Variants in EFR3B observed in about 807,000 individuals in gnomAD.
EFR3B encodes the protein protein EFR3 homolog B.
A neutral mutation model predicts 104.7 loss-of-function variants in EFR3B; 64 were observed. The observed-to-expected ratio is 0.61, with a 90% confidence interval of 0.50 to 0.75. EFR3B has a LOEUF of 0.75. Ranked by LOEUF, EFR3B falls within the 30% of genes least tolerant of loss-of-function variation. EFR3B has a pLI of 0.00. For missense variants in EFR3B, 750 were observed against 1,078.5 expected, an observed-to-expected ratio of 0.70 and a Z score of 4.27; for synonymous variants, 385 against 417.9, an observed-to-expected ratio of 0.92 and a Z score of 0.96.
chr2:25,112,802 G>T (rs959617158), intron 4 of EFR3B, among the ~76,000 whole-genome samples: 3 of 152,190 alleles, frequency 2.0e-5, no homozygotes, highest in African/African-American at 4.8e-5. Context: ...TCCTTGAACT[G>T]CGAGAAAGTT....
At chr2:25,075,707 T>A (rs1332621388) in intron 1 of EFR3B, among the ~76,000 whole-genome samples, 5 of 152,238 alleles carry the variant, frequency 3.3e-5, no homozygotes, top group Admixed American at 3.3e-4. Context: ...CAAGTCAACA[T>A]ATTAGATAAG....
Position 25,129,970 on chromosome 2 carries a change from C to A in EFR3B, c.636-5C>A. 1 of 1,551,396 alleles carries A rather than the reference C, an allele frequency of 6.4e-7. No individual in the cohort carries two copies. Among genetic ancestry groups the A allele is most frequent in the Non-Finnish European group, 8.7e-7 (1 of 1,147,000 alleles). ...CCCTCTACCCATGTGCCTCTGTCTC[C>A]CCAGCCGGTCTCCCTCACCCCTCCA... is the stretch of plus-strand genomic sequence containing the variant. On this transcript the variant is annotated splice_region_variant and splice_polypyrimidine_tract_variant and intron_variant, in intron 6 of 22. Coordinates refer to ENST00000403714, the MANE Select transcript of EFR3B (RefSeq NM_014971.2).
chr2:25,077,535 T>A (rs1016795390), intron 1 of EFR3B, among the ~76,000 whole-genome samples: 8 of 152,224 alleles, frequency 5.3e-5, no homozygotes, highest in Non-Finnish European at 1.2e-4. Context: ...CTGATCCGCC[T>A]GCCTTGGCCT....
chr2:25,042,187 C>G lies in EFR3B; in HGVS notation c.-126C>G, dbSNP rs986569927. 1.9e-5 allele frequency: 19 copies of G among 1,000,114 alleles called. No homozygotes were observed. In the Admixed American group the frequency reaches 2.3e-4, roughly 12 times the overall value. The allele number at this position is 1,000,114 out of a possible 1,614,324, so 62.0% of individuals were successfully genotyped here. A position where few individuals can be genotyped will look rare whatever the true frequency, so the allele number is the denominator to read the frequency against. ...CCGGCCCCCGCGTCTGCTCCCTCCC[C>G]GCCCGGGCCCCTGTCGGCCGCCGCC... is the stretch of plus-strand genomic sequence containing the variant. On this transcript the variant is annotated 5_prime_UTR_variant, in exon 1 of 23. Coordinates refer to ENST00000403714, the MANE Select transcript of EFR3B (RefSeq NM_014971.2). This position sits in a 1 kb window ranked among gnomAD's most constrained non-coding sequence, Gnocchi z 5.4.
At chr2:25,068,122 A>G (rs1195912315) in intron 1 of EFR3B, among the ~76,000 whole-genome samples, 1 of 152,142 alleles carries the variant, frequency 6.6e-6, no homozygotes, top group Non-Finnish European at 1.5e-5. Flanking sequence ...AAAAGCATCC[A>G]TGCTTCTCCT....
chr2:25,124,637 G>A (rs1482586481), intron 5 of EFR3B, among the ~76,000 whole-genome samples: 1 of 151,398 alleles, frequency 6.6e-6, no homozygotes, highest in Non-Finnish European at 1.5e-5. Flanking sequence ...CTACTCGGGA[G>A]GCTGAGGCAG....
intron 1 of EFR3B, chr2:25,081,362 G>C: frequency 1.0e-6 from 1 of 955,260 alleles, no homozygotes; most frequent in African/African-American, 1.6e-5. Flanking sequence ...CAGAGAACTT[G>C]CCAGCAGTAC....
At chr2:25,125,485 T>A (rs1447642790) in intron 5 of EFR3B, among the ~76,000 whole-genome samples, 1 of 152,308 alleles carries the variant, frequency 6.6e-6, no homozygotes, top group South Asian at 2.1e-4. Flanking sequence ...GGGTCTTGAA[T>A]GTGGTCAGGG....
At chr2:25,153,376 G>C (rs192442771) in intron 21 of EFR3B, among the ~76,000 whole-genome samples, 4 of 151,974 alleles carry the variant, frequency 2.6e-5, no homozygotes, top group Non-Finnish European at 5.9e-5. Context: ...GAAAAGAAAA[G>C]AGCCGGCACT....
chr2:25,073,124 C>T (rs1393719250), intron 1 of EFR3B, among the ~76,000 whole-genome samples: 6 of 152,116 alleles, frequency 3.9e-5, no homozygotes. Context: ...ATTCAACACC[C>T]AGATAAACAC....
intron 3 of EFR3B, among the ~76,000 whole-genome samples, chr2:25,100,282 G>A (rs1232600814): frequency 2.0e-5 from 3 of 152,154 alleles, no homozygotes; most frequent in Middle Eastern, 3.2e-3. Flanking sequence ...AAAGAAGAAC[G>A]AATCTTTTAA....
intron 3 of EFR3B, among the ~76,000 whole-genome samples, chr2:25,102,132 G>T (rs1228491046): frequency 1.3e-5 from 2 of 152,106 alleles, no homozygotes; most frequent in East Asian, 3.8e-4. Context: ...AAGATAATTG[G>T]GTTGTCCTGT....
intron 2 of EFR3B, among the ~76,000 whole-genome samples, chr2:25,091,882 C>G (rs988495436): frequency 2.6e-5 from 4 of 152,100 alleles, no homozygotes; most frequent in African/African-American, 7.2e-5. Flanking sequence ...CAAGCCGCCT[C>G]TCCACCTGTC....
Position 25,131,745 on chromosome 2 carries a change from C to A in EFR3B, c.986-5C>A. ...ATCTCGGGTGTCCCGCCCCACCGCTCTCAGGGCCCACAGTACTGGAGATGT... is the reference window on the plus strand; with the variant it reads ...ATCTCGGGTGTCCCGCCCCACCGCTATCAGGGCCCACAGTACTGGAGATGT... On this transcript the variant is annotated splice_region_variant and splice_polypyrimidine_tract_variant and intron_variant, in intron 9 of 22. Transcript: ENST00000403714. This position sits in a 1 kb window ranked among gnomAD's most constrained non-coding sequence, Gnocchi z 7.6. 1 of 1,496,514 alleles carries A rather than the reference C, an allele frequency of 6.7e-7. No individual in the cohort carries two copies. Among genetic ancestry groups the A allele is most frequent in the Admixed American group, 2.3e-5 (1 of 43,646 alleles). 92.7% of individuals were successfully genotyped at this position (1,496,514 alleles called of 1,614,324 possible).
chr2:25,115,159 C>T (rs551412770), intron 4 of EFR3B, among the ~76,000 whole-genome samples: 26 of 152,074 alleles, frequency 1.7e-4, no homozygotes, highest in Middle Eastern at 3.4e-3. Flanking sequence ...CCAGCCTGGG[C>T]GACAGGAGTG....
intron 4 of EFR3B, among the ~76,000 whole-genome samples, chr2:25,104,902 A>C (rs6742730): frequency 0.11 from 16,120 of 152,182 alleles, 2,047 homozygotes; most frequent in African/African-American, 0.31. Context: ...TTTGTTAGAG[A>C]AGAGCTATCA....
intron 3 of EFR3B, 122 bp from the exon 4 acceptor site, chr2:25,103,515 G>A (rs1408499563): frequency 3.0e-6 from 4 of 1,354,164 alleles, no homozygotes; most frequent in Admixed American, 2.5e-5. Context: ...GGCAGCCTGT[G>A]GGGGAGCCTC....
At chr2:25,065,715 T>A in intron 1 of EFR3B, among the ~76,000 whole-genome samples, 1 of 152,172 alleles carries the variant, frequency 6.6e-6, no homozygotes. Flanking sequence ...CAGCCATTTT[T>A]CTTCTGGAAA....
chr2:25,146,080 A>ATTTTTTTTTTTT (rs1558620693), intron 19 of EFR3B: 1 of 118,812 alleles, frequency 8.4e-6, no homozygotes. Flanking sequence ...GACAGCCAAG[A>ATTTTTTTTTTTT]TGTTTTTTTT....
Sources: allele counts gnomAD v4.1 joint callset (sites outside exome capture counted in the v4.1 genomes callset), GRCh38; gene constraint gnomAD v4.1.1; non-coding constraint Gnocchi (gnomAD v3.1); transcripts MANE v1.5; gene names NCBI Gene and HGNC (gene_info 2026-07-23, HGNC 2026-07-21).